The following KCNH1 variants were observed in gnomAD, a reference collection of about 807,000 sequenced individuals.
KCNH1 encodes voltage-gated delayed rectifier potassium channel KCNH1.
KCNH1 carries 27 observed loss-of-function variants against 69.2 expected under a neutral mutation model. The ratio of observed to expected loss-of-function variants is 0.39; its 90% confidence interval spans 0.29 to 0.54. KCNH1 has a LOEUF of 0.54. Ranked by LOEUF, KCNH1 falls within the 20% of genes least tolerant of loss-of-function variation. The pLI, the probability that KCNH1 is intolerant of heterozygous loss-of-function variation, is 0.68. For synonymous variants in KCNH1, 456 were observed against 487.7 expected (o/e 0.93, Z 0.86); for missense variants, 798 against 1,261.6 (o/e 0.63, Z 5.57).
chr1:211,107,465 T>C (rs193246444), intron 1 of KCNH1, 88 bp from the exon 2 acceptor site: 242 of 1,317,794 alleles, frequency 1.8e-4, no homozygotes, highest in Non-Finnish European at 2.3e-5. Context: ...TGTCAAGCAA[T>C]CCAGATATTT....
At chr1:210,806,990 G>A (rs565712936) in intron 7 of KCNH1, among the ~76,000 whole-genome samples, 2 of 123,024 alleles carry the variant, frequency 1.6e-5, no homozygotes, top group African/African-American at 6.3e-5. Context: ...CTGGGTAGCA[G>A]AGCAAGACTC....
At chr1:211,040,857 CT>C (rs1455465716) in intron 5 of KCNH1, among the ~76,000 whole-genome samples, 1 of 152,136 alleles carries the variant, frequency 6.6e-6, no homozygotes, top group Non-Finnish European at 1.5e-5. Flanking sequence ...CCATCCTCAC[CT>C]ACCTACTTCA....
intron 3 of KCNH1, among the ~76,000 whole-genome samples, chr1:211,091,796 C>T (rs1691057651): frequency 6.6e-6 from 1 of 152,122 alleles, no homozygotes; most frequent in Admixed American, 6.5e-5. Flanking sequence ...ACTCAGGTAT[C>T]AACAGTCAAA....
At chr1:210,854,721 C>T (rs1389360139) in intron 7 of KCNH1, among the ~76,000 whole-genome samples, 1 of 152,184 alleles carries the variant, frequency 6.6e-6, no homozygotes, top group East Asian at 1.9e-4. Context: ...CTCCAGGTGT[C>T]TGTTGATTTT....
chr1:210,878,322 T>C (rs1686424743), intron 7 of KCNH1, among the ~76,000 whole-genome samples: 1 of 151,952 alleles, frequency 6.6e-6, no homozygotes, highest in African/African-American at 2.4e-5. Context: ...GAGACTAATT[T>C]GCCCAAGAAC....
intron 5 of KCNH1, among the ~76,000 whole-genome samples, chr1:211,079,695 A>G (rs2102464768): frequency 6.6e-6 from 1 of 152,324 alleles, no homozygotes; most frequent in South Asian, 2.1e-4. Context: ...TCCATCATAT[A>G]AACAGAACCA....
intron 1 of KCNH1, among the ~76,000 whole-genome samples, chr1:211,112,896 G>A (rs927897883): frequency 3.9e-5 from 6 of 152,140 alleles, no homozygotes; most frequent in Non-Finnish European, 7.3e-5. Flanking sequence ...TAATCGACCT[G>A]TAAATTACCT....
intron 7 of KCNH1, among the ~76,000 whole-genome samples, chr1:210,900,863 C>T (rs932656328): frequency 1.3e-5 from 2 of 152,080 alleles, no homozygotes; most frequent in African/African-American, 4.8e-5. Flanking sequence ...CCTAGCCAGA[C>T]AAAAAGAAGC....
At chr1:210,812,458 A>C (rs899154178) in intron 7 of KCNH1, among the ~76,000 whole-genome samples, 1 of 152,222 alleles carries the variant, frequency 6.6e-6, no homozygotes, top group African/African-American at 2.4e-5. Context: ...CCTGAAATTC[A>C]ATATCCATTA....
At chr1:210,968,951 C>T (rs1373175935) in intron 6 of KCNH1, among the ~76,000 whole-genome samples, 1 of 151,986 alleles carries the variant, frequency 6.6e-6, no homozygotes, top group Non-Finnish European at 1.5e-5. Context: ...AAGGACATCC[C>T]TTTTTATTCC....
At chr1:211,129,849 T>C (rs908229781) in intron 1 of KCNH1, among the ~76,000 whole-genome samples, 3 of 152,214 alleles carry the variant, frequency 2.0e-5, no homozygotes, top group Non-Finnish European at 4.4e-5. Flanking sequence ...CTGTAAATTA[T>C]ACATGTACAT....
chr1:211,040,922 G>A (rs945919396), intron 5 of KCNH1, among the ~76,000 whole-genome samples: 9 of 152,066 alleles, frequency 5.9e-5, no homozygotes, highest in African/African-American at 2.2e-4. Context: ...TTCCTCCCAA[G>A]TGCTCTGAGC....
At chr1:211,114,585 C>T (rs1388060432) in intron 1 of KCNH1, among the ~76,000 whole-genome samples, 1 of 152,162 alleles carries the variant, frequency 6.6e-6, no homozygotes. Flanking sequence ...AGTACGAGGA[C>T]ACTATGACAG....
intron 4 of KCNH1, among the ~76,000 whole-genome samples, chr1:211,088,318 T>G (rs1224969832): frequency 6.6e-6 from 1 of 152,030 alleles, no homozygotes; most frequent in Non-Finnish European, 1.5e-5. Context: ...ACCCAGCTGG[T>G]CTCCTGGAAA....
In KCNH1 at chr1:210,881,178, T is replaced by A. The variant is rs187118277; in HGVS notation, c.1462+38462A>T. 1.2e-4 allele frequency among the ~76,000 whole-genome samples: 18 copies of A among 152,260 alleles called. No individual in the cohort carries two copies. In the East Asian group the frequency reaches 3.5e-3, roughly 29 times the overall value. On this transcript the variant is annotated intron_variant, in intron 7 of 10. Coordinates refer to ENST00000271751, the MANE Select transcript of KCNH1 (RefSeq NM_172362.3). ...CCATCATTCCTGGCTAATTTTTGTA[T>A]ATTTTGTTGAGATGGGCTTTCACTA... is the stretch of plus-strand genomic sequence containing the variant.
At chr1:211,125,094 C>T (rs989138921) in intron 1 of KCNH1, among the ~76,000 whole-genome samples, 19 of 152,164 alleles carry the variant, frequency 1.2e-4, no homozygotes, top group Admixed American at 3.9e-4. Flanking sequence ...AGAGACATAA[C>T]CTTTAATCAG....
chr1:210,913,259 A>T (rs1501566), intron 7 of KCNH1, among the ~76,000 whole-genome samples: 92,823 of 152,048 alleles, frequency 0.61, 28,787 homozygotes, highest in East Asian at 0.8. Flanking sequence ...TTTTCTCCTA[A>T]AAAATTCTGA....
At position 210,683,397 on chromosome 1, in the gene KCNH1, A is replaced by C; in HGVS notation, c.2854T>G (p.Ser952Ala). The part of the protein sequence containing the change: ...AKMTNIEKQL[S>A]EILRILTSRR... ...GAAGTTAATATCCTGAGTATCTCAG[A>C]GAGCTGTTTCTCAATATTGGTCATT... Residue 952 changes from serine (S) to alanine (A), a missense_variant, in exon 11 of 11, where the codon TCT becomes GCT. Ser to Ala is a moderately conservative substitution (Grantham distance 99, BLOSUM62 1). Transcript: ENST00000271751. The surrounding 1 kb of genome is among the most constrained non-coding windows in gnomAD (Gnocchi z 5.7). The C allele has an allele frequency of 6.2e-7, 1 of 1,614,162 alleles. No homozygotes were observed. The highest frequency in any genetic ancestry group is 8.5e-7 in the Non-Finnish European group (1 of 1,180,020).
chr1:211,105,993 A>ACTTAT (rs1162356008), intron 2 of KCNH1, among the ~76,000 whole-genome samples: 1 of 152,238 alleles, frequency 6.6e-6, no homozygotes, highest in Non-Finnish European at 1.5e-5. Flanking sequence ...GAGCTCAAAC[A>ACTTAT]TTTATTTTAT....
Sources: gnomAD v4.1 joint callset for allele counts (sites outside exome capture counted in the v4.1 genomes callset) on GRCh38, gnomAD v4.1.1 for gene constraint, Gnocchi (gnomAD v3.1) non-coding constraint, MANE v1.5 for transcripts, NCBI Gene and HGNC (gene_info 2026-07-23, HGNC 2026-07-21) for gene names.